The following MTBP variants were observed in gnomAD, a reference collection of about 807,000 sequenced individuals.
The protein encoded by MTBP is MDM2 binding protein.
In MTBP, 101 loss-of-function variants were observed where a neutral mutation model predicts 117.0. The observed-to-expected ratio is 0.86, with a 90% CI of 0.73 to 1.02. MTBP has a LOEUF of 1.02. MTBP is among the 50% of genes least tolerant of loss of function. MTBP has a pLI of 0.00. For synonymous variants in MTBP, 350 were observed against 351.5 expected (o/e 1.00, Z 0.05); for missense variants, 970 against 1,030.9 (o/e 0.94, Z 0.81).
At chr8:120,487,537 C>T (rs2130578370) in intron 11 of MTBP, among the ~76,000 whole-genome samples, 1 of 152,338 alleles carries the variant, frequency 6.6e-6, no homozygotes, top group South Asian at 2.1e-4. Flanking sequence ...TCACCATCTT[C>T]AACAAAGAAA....
intron 4 of MTBP, chr8:120,452,842 A>G (rs1354505884): frequency 6.6e-6 from 1 of 151,626 alleles, no homozygotes; most frequent in Non-Finnish European, 1.5e-5. Context: ...AAAAAAAAAA[A>G]AAAAAAGAAA....
At chr8:120,490,611 T>C (rs979708699) in intron 13 of MTBP, 41 bp downstream of exon 13, 3 of 1,317,390 alleles carry the variant, frequency 2.3e-6, no homozygotes, top group Middle Eastern at 2.2e-4. Context: ...CCTAAAAATG[T>C]TGACTTGTTT....
rs1814416144 is a variant in MTBP, at chr8:120,494,759, G to A, written c.1448-2634G>A. Among the ~76,000 whole-genome samples, 4 of 152,188 alleles carry A rather than the reference G, an allele frequency of 2.6e-5. No homozygotes were observed. The South Asian group carries it at 8.3e-4, about 32-fold the overall frequency. On this transcript the variant is annotated intron_variant, in intron 13 of 21. Coordinates refer to ENST00000305949, the MANE Select transcript of MTBP (RefSeq NM_022045.5). ...GTTGAGCCATGTAATAAATGATGAT[G>A]ATCAGATCTCTCTTATATAATTCTT...
chr8:120,517,196 G>A (rs983393028), intron 18 of MTBP, among the ~76,000 whole-genome samples: 2 of 151,992 alleles, frequency 1.3e-5, no homozygotes, highest in African/African-American at 4.8e-5. Flanking sequence ...GAAGATTGAA[G>A]TATGAACCAG....
At position 120,445,440 on chromosome 8, in the gene MTBP, G is replaced by T. The variant is rs764253748; in HGVS notation, c.-31G>T. On this transcript the variant is annotated 5_prime_UTR_variant, in exon 1 of 22. Transcript: ENST00000305949. ...GCGTCTGTTTGGATGTGGAAGCCGA[G>T]ACCTAAAGTTGGGGGGTGATCTCTG... 3 of 1,582,666 alleles carry T rather than the reference G, an allele frequency of 1.9e-6. No individual in the cohort carries two copies. The highest frequency in any genetic ancestry group is 1.1e-5 in the South Asian group (1 of 90,282).
intron 10 of MTBP, among the ~76,000 whole-genome samples, chr8:120,469,908 A>G (rs1027277045): frequency 6.6e-6 from 1 of 152,212 alleles, no homozygotes; most frequent in South Asian, 2.1e-4. Flanking sequence ...AAATAATAGC[A>G]ACAAAACATT....
intron 11 of MTBP, among the ~76,000 whole-genome samples, chr8:120,486,371 G>A (rs548532858): frequency 2.0e-5 from 3 of 152,170 alleles, no homozygotes; most frequent in East Asian, 3.9e-4. Context: ...CCACTACTTC[G>A]GTAGCTGGGC....
At chr8:120,510,674 G>A (rs755479923) in intron 17 of MTBP, among the ~76,000 whole-genome samples, 26 of 152,164 alleles carry the variant, frequency 1.7e-4, no homozygotes, top group Non-Finnish European at 3.5e-4. Flanking sequence ...AGCTGAGGCA[G>A]GTGGATCGCT....
In MTBP at chr8:120,453,869, A is replaced by G. The variant is rs1158262723; in HGVS notation, c.448A>G (p.Asn150Asp). 2 of 1,585,116 alleles carry G rather than the reference A, an allele frequency of 1.3e-6. No individual in the cohort carries two copies. The highest frequency in any genetic ancestry group is 2.3e-5 in the East Asian group (1 of 43,608). ...TAGTCTCTATGAAGAAGCTGCAGAA[A>G]ATTTGCATCAGCTGTCAGACAAGCT... is the stretch of plus-strand genomic sequence containing the variant. Reference protein sequence around the residue: ...LADLYEEAAENLHQLSDKLPA... With the variant: ...LADLYEEAAEDLHQLSDKLPA... Residue 150 changes from asparagine to aspartate, a missense_variant, in exon 5 of 22, where the codon AAT (asparagine) becomes GAT (aspartate). Coordinates refer to ENST00000305949, the MANE Select transcript of MTBP (RefSeq NM_022045.5).
At chr8:120,513,478 C>T (rs988432599) in intron 17 of MTBP, among the ~76,000 whole-genome samples, 2 of 151,884 alleles carry the variant, frequency 1.3e-5, no homozygotes, top group African/African-American at 2.4e-5. Flanking sequence ...TGTTTCTTTT[C>T]TCTAATTTAC....
At chr8:120,458,984 C>T (rs1813527785) in intron 7 of MTBP, among the ~76,000 whole-genome samples, 1 of 152,112 alleles carries the variant, frequency 6.6e-6, no homozygotes, top group South Asian at 2.1e-4. Context: ...TTAACATACT[C>T]TTGCCAGCTG....
intron 11 of MTBP, among the ~76,000 whole-genome samples, chr8:120,486,184 C>T (rs1814209166): frequency 6.6e-6 from 1 of 152,082 alleles, no homozygotes; most frequent in Admixed American, 6.6e-5. Context: ...GCTTGTTTCT[C>T]TTAATTAAGT....
In MTBP at chr8:120,446,513, G is replaced by T; in HGVS notation, c.199G>T (p.Ala67Ser). 6.5e-7 allele frequency: 1 copy of T among 1,539,934 alleles called. No individual in the cohort carries two copies. The highest frequency in any genetic ancestry group is 1.1e-5 in the South Asian group (1 of 89,530). Residue 67 changes from alanine to serine, a missense_variant and splice_region_variant, in exon 2 of 22, where the codon GCC (alanine) becomes TCC (serine). Transcript: ENST00000305949. ...TAATCCAGAAGATAGTACTTTCCCTGGTAAGTATAATAAACTCCTCTTTTC... is the reference window on the plus strand; with the variant it reads ...TAATCCAGAAGATAGTACTTTCCCTTGTAAGTATAATAAACTCCTCTTTTC... ...SINPEDSTFPACSVGGIPGSK... is the reference protein window; with the variant it reads ...SINPEDSTFPSCSVGGIPGSK...
At position 120,459,253 on chromosome 8, in the gene MTBP, G is replaced by A. The variant is rs773932212; in HGVS notation, c.786G>A (p.Lys262=). Residue 262 remains lysine, a synonymous_variant, in exon 8 of 22, where the codon AAG becomes AAA. Transcript: ENST00000305949. ...TTAGTTTTCCTGAATTTTGTTTAAA[G>A]GGAGTCACACTTAAGAATTTTAGTA... is the stretch of plus-strand genomic sequence containing the variant. ...FEISFPEFCL[K]GVTLKNFSTS... is the part of the protein sequence containing the mutation. 2 of 1,609,930 alleles carry A rather than the reference G, an allele frequency of 1.2e-6. No individual in the cohort carries two copies. Among genetic ancestry groups the A allele is most frequent in the Non-Finnish European group, 8.5e-7 (1 of 1,178,094 alleles).
intron 10 of MTBP, among the ~76,000 whole-genome samples, chr8:120,469,265 C>T (rs1170361481): frequency 2.0e-5 from 3 of 151,910 alleles, no homozygotes; most frequent in Non-Finnish European, 2.9e-5. Flanking sequence ...AGGGTGGTCT[C>T]GAACTCCTGA....
intron 13 of MTBP, among the ~76,000 whole-genome samples, chr8:120,492,148 C>T (rs1301737044): frequency 2.0e-5 from 3 of 152,102 alleles, no homozygotes; most frequent in Non-Finnish European, 2.9e-5. Context: ...ATGAAATGGC[C>T]AATTTGCGAT....
At position 120,506,858 on chromosome 8, in the gene MTBP, AG is replaced by A; in HGVS notation, c.1883+1del. 4 of 1,599,396 alleles carry A rather than the reference AG, an allele frequency of 2.5e-6. No individual in the cohort carries two copies. Among genetic ancestry groups the A allele is most frequent in the Non-Finnish European group, 3.4e-6 (4 of 1,175,462 alleles). ...GATCTTCAACCTTTACCGATTCAAA[AG>A]GGGTAGGTTATAAACTTATAATTTC... ...IGDLQPLPIQ[K>X]GEKTFVLTPE... On this transcript the variant is annotated frameshift_variant and splice_region_variant, in exon 16 of 22. Coordinates refer to ENST00000305949, the MANE Select transcript of MTBP (RefSeq NM_022045.5). LOFTEE classifies it high-confidence loss of function.
rs770421038 is a variant in MTBP at position 120,451,255 on chromosome 8, T to C, written c.358T>C (p.Cys120Arg). 10 of 1,612,802 alleles carry C rather than the reference T, an allele frequency of 6.2e-6. No individual in the cohort carries two copies. Among genetic ancestry groups the C allele is most frequent in the Non-Finnish European group, 8.5e-6 (10 of 1,179,142 alleles). Residue 120 changes from cysteine (C) to arginine (R), a missense_variant, in exon 4 of 22, where the codon TGT (cysteine) becomes CGT (arginine). Physicochemically the swap from Cys to Arg is radical, Grantham distance 180. Transcript: ENST00000305949. ...EDVLQTNIEE[C>R]LGAVECFEEE... Reference sequence around the variant, plus strand: ...TGTTCTTCAAACGAATATCGAAGAATGTTTGGGTGCTGTTGAGTGTTTTGA... The same window carrying C: ...TGTTCTTCAAACGAATATCGAAGAACGTTTGGGTGCTGTTGAGTGTTTTGA...
chr8:120,452,076 C>G (rs910801043), intron 4 of MTBP: 3 of 151,924 alleles, frequency 2.0e-5, no homozygotes, highest in South Asian at 2.1e-4. Flanking sequence ...TGATTGAGTT[C>G]ACTTTTAGGT....
Sources: allele counts gnomAD v4.1 joint callset (sites outside exome capture counted in the v4.1 genomes callset), GRCh38; gene constraint gnomAD v4.1.1; transcripts MANE v1.5; gene names NCBI Gene and HGNC (gene_info 2026-07-23, HGNC 2026-07-21).